KHDRBS2: variants seen among roughly 807,000 people sequenced by gnomAD.
KHDRBS2 encodes KH domain-containing, RNA-binding, signal transduction-associated protein 2.
In KHDRBS2, 26 loss-of-function variants were observed where a neutral mutation model predicts 44.3. That is an observed-to-expected ratio of 0.59 (90% confidence interval 0.43 to 0.81). KHDRBS2 has a LOEUF of 0.81. KHDRBS2 is among the 40% of genes least tolerant of loss of function. The pLI is 0.00. For synonymous variants in KHDRBS2, 194 were observed against 151.1 expected (o/e 1.28, Z -2.08); for missense variants, 476 against 433.1 (o/e 1.10, Z -0.88).
intron 1 of KHDRBS2, among the ~76,000 whole-genome samples, chr6:62,194,046 T>G (rs1430942359): frequency 6.6e-6 from 1 of 152,162 alleles, no homozygotes; most frequent in Non-Finnish European, 1.5e-5. Context: ...TTCCTTGATA[T>G]CATTTGCACC....
At chr6:61,785,091 A>G (rs1783574309) in intron 6 of KHDRBS2, among the ~76,000 whole-genome samples, 2 of 152,012 alleles carry the variant, frequency 1.3e-5, no homozygotes, top group South Asian at 4.2e-4. Context: ...TGGAGGCTGC[A>G]ATGAGTCATA....
At chr6:61,822,159 C>T (rs1405094073) in intron 6 of KHDRBS2, among the ~76,000 whole-genome samples, 1 of 151,988 alleles carries the variant, frequency 6.6e-6, no homozygotes. Flanking sequence ...ACCTGTATTG[C>T]CCACTGCCAA....
At chr6:62,208,152 G>T (rs1395970135) in intron 1 of KHDRBS2, among the ~76,000 whole-genome samples, 1 of 152,068 alleles carries the variant, frequency 6.6e-6, no homozygotes, top group East Asian at 1.9e-4. Context: ...TTCTGTATCT[G>T]GCTTATTTCA....
intron 2 of KHDRBS2, among the ~76,000 whole-genome samples, chr6:62,065,479 T>A (rs556792980): frequency 6.6e-6 from 1 of 151,802 alleles, no homozygotes; most frequent in Non-Finnish European, 1.5e-5. Flanking sequence ...TCATATCCTT[T>A]GTAGGGACAT....
At chr6:61,873,355 C>CA (rs2127306678) in intron 6 of KHDRBS2, among the ~76,000 whole-genome samples, 1 of 151,552 alleles carries the variant, frequency 6.6e-6, no homozygotes, top group Non-Finnish European at 1.5e-5. Flanking sequence ...CAAGCATTTC[C>CA]AAAAAATGGA....
chr6:61,704,881 A>C (rs1466100484), intron 7 of KHDRBS2, among the ~76,000 whole-genome samples: 2 of 151,860 alleles, frequency 1.3e-5, no homozygotes, highest in African/African-American at 4.8e-5. Context: ...ATATCCATGA[A>C]CTTGGGCTTT....
chr6:62,219,976 G>A (rs1162832391), intron 1 of KHDRBS2, among the ~76,000 whole-genome samples: 2 of 147,598 alleles, frequency 1.4e-5, no homozygotes, highest in Non-Finnish European at 3.0e-5. Context: ...TGAATATATA[G>A]TACATATGTA....
chr6:61,650,133 A>G, the KHDRBS2 span, among the ~76,000 whole-genome samples: 1 of 152,098 alleles, frequency 6.6e-6, no homozygotes, highest in African/African-American at 2.4e-5. Context: ...AGCTCCAGCA[A>G]TTTGAGTGAC....
Position 61,894,813 on chromosome 6 carries a change from G to C in KHDRBS2, c.632C>G (p.Pro211Arg). 6.2e-7 allele frequency: 1 copy of C among 1,611,826 alleles called. No individual in the cohort carries two copies. The stretch of plus-strand genomic sequence containing the variant: ...ACCTCGTCCAGGTGGTGGGGGAGGA[G>C]GAATGGCACCCCCACGGCCCCTAAG... ...APSRGRGGAI[P>R]PPPPPGRGVL... Residue 211 changes from proline to arginine, a missense_variant, in exon 6 of 9, where the codon CCT becomes CGT. Pro to Arg is a moderately radical substitution (Grantham distance 103). Transcript: ENST00000281156.
chr6:62,009,483 G>A (rs573057349), intron 3 of KHDRBS2, among the ~76,000 whole-genome samples: 5 of 152,330 alleles, frequency 3.3e-5, no homozygotes, highest in African/African-American at 1.2e-4. Flanking sequence ...GCCCACTGCA[G>A]AAATTGCATA....
At chr6:62,072,131 G>A (rs895799704) in intron 2 of KHDRBS2, among the ~76,000 whole-genome samples, 3 of 152,062 alleles carry the variant, frequency 2.0e-5, no homozygotes, top group African/African-American at 7.2e-5. Flanking sequence ...CTCATGATTT[G>A]GCTCTCTGTT....
chr6:61,977,394 C>T (rs1278293676), intron 4 of KHDRBS2, among the ~76,000 whole-genome samples: 2 of 152,108 alleles, frequency 1.3e-5, no homozygotes, highest in Non-Finnish European at 2.9e-5. Context: ...TTTAACCTTC[C>T]TCTATTTCTT....
intron 6 of KHDRBS2, among the ~76,000 whole-genome samples, chr6:61,891,808 A>C (rs2127328440): frequency 6.6e-6 from 1 of 152,344 alleles, no homozygotes; most frequent in Admixed American, 6.5e-5. Context: ...TGAATGGGCA[A>C]AAACTGGAAG....
chr6:62,147,003 A>G (rs955604381), intron 2 of KHDRBS2, among the ~76,000 whole-genome samples: 2 of 151,958 alleles, frequency 1.3e-5, no homozygotes, highest in African/African-American at 4.8e-5. Flanking sequence ...AGTTATATTT[A>G]CACTCAGTTG....
intron 3 of KHDRBS2, among the ~76,000 whole-genome samples, chr6:62,033,381 T>C (rs1386161047): frequency 6.6e-6 from 1 of 151,840 alleles, no homozygotes; most frequent in Non-Finnish European, 1.5e-5. Flanking sequence ...ACCAAACAGA[T>C]TTAACCAAAA....
chr6:62,016,304 T>C (rs1381743835), intron 3 of KHDRBS2, among the ~76,000 whole-genome samples: 1 of 151,964 alleles, frequency 6.6e-6, no homozygotes, highest in Non-Finnish European at 1.5e-5. Flanking sequence ...ATTGCTTGTA[T>C]CCTTATCTAG....
At chr6:62,153,743 C>T (rs1282611692) in intron 2 of KHDRBS2, among the ~76,000 whole-genome samples, 1 of 152,088 alleles carries the variant, frequency 6.6e-6, no homozygotes, top group Non-Finnish European at 1.5e-5. Context: ...ATCCTACTGC[C>T]TTTAAAAAAA....
At chr6:62,110,080 C>A (rs938242922) in intron 2 of KHDRBS2, among the ~76,000 whole-genome samples, 1 of 151,834 alleles carries the variant, frequency 6.6e-6, no homozygotes, top group African/African-American at 2.4e-5. Flanking sequence ...GATAAAACGA[C>A]AAGGCCCAGG....
chr6:62,227,829 T>C (rs993333134), intron 1 of KHDRBS2, among the ~76,000 whole-genome samples: 1 of 152,228 alleles, frequency 6.6e-6, no homozygotes, highest in African/African-American at 2.4e-5. Context: ...ATTACATTTA[T>C]TGATTTTCAT....
Sources: gnomAD v4.1 joint callset for allele counts (sites outside exome capture counted in the v4.1 genomes callset) on GRCh38, gnomAD v4.1.1 for gene constraint, MANE v1.5 for transcripts, NCBI Gene and HGNC (gene_info 2026-07-23, HGNC 2026-07-21) for gene names.